KIT: variants seen among roughly 807,000 people sequenced by gnomAD.
KIT encodes the protein KIT proto-oncogene, receptor tyrosine kinase, also known as mast/stem cell growth factor receptor Kit.
A neutral mutation model predicts 105.7 loss-of-function variants in KIT; 16 were observed. The ratio of observed to expected loss-of-function variants is 0.15; its 90% CI spans 0.10 to 0.23. The LOEUF (loss-of-function observed/expected upper bound fraction) is 0.23, where lower values mean the gene tolerates loss of function less well. Ranked by LOEUF, KIT falls within the 10% of genes least tolerant of loss-of-function variation. KIT has a pLI of 1.00. For synonymous variants in KIT, 438 were observed against 441.1 expected, an observed-to-expected ratio of 0.99 and a Z score of 0.09; for missense variants, 858 against 1,213.8, an observed-to-expected ratio of 0.71 and a Z score of 4.36.
rs778169774 is a variant in KIT at position 54,726,092 on chromosome 4, C to A, written c.1540+42C>A. 8 of 1,483,714 alleles carry A rather than the reference C, an allele frequency of 5.4e-6. No individual in the cohort carries two copies. In the South Asian group the frequency reaches 7.9e-5, roughly 15 times the overall value. The allele number at this position is 1,483,714 out of a possible 1,614,324, so 91.9% of individuals were successfully genotyped here. A position where few individuals can be genotyped will look rare whatever the true frequency, so the allele number is the denominator to read the frequency against. ...TCCAATTTAAGGGGATGTTTAGGCT[C>A]TGTCTACCATATCAGTCATGATTTT... is the stretch of plus-strand genomic sequence containing the variant. On this transcript the variant is annotated intron_variant, in intron 9 of 20. Transcript: ENST00000288135.
At chr4:54,726,151 G>A in intron 9 of KIT, 101 bp downstream of exon 9, 1 of 923,638 alleles carries the variant, frequency 1.1e-6, no homozygotes, top group Non-Finnish European at 1.7e-6. Flanking sequence ...GTCATTTCTG[G>A]TAATACATGC....
At chr4:54,714,389 CAAAT>C (rs1337037189) in intron 7 of KIT, among the ~76,000 whole-genome samples, 2 of 151,682 alleles carry the variant, frequency 1.3e-5, no homozygotes, top group African/African-American at 2.4e-5. Context: ...AGATCCAGGA[CAAAT>C]AAAAGGCCAA....
chr4:54,673,702 A>G (rs1180882757), intron 1 of KIT, among the ~76,000 whole-genome samples: 1 of 152,228 alleles, frequency 6.6e-6, no homozygotes, highest in African/African-American at 2.4e-5. Context: ...AAAAATAACT[A>G]TGTGGAATTC....
At chr4:54,711,730 T>C (rs1721174270) in intron 7 of KIT, among the ~76,000 whole-genome samples, 1 of 151,746 alleles carries the variant, frequency 6.6e-6, no homozygotes, top group African/African-American at 2.4e-5. Flanking sequence ...GAGACCAGCC[T>C]GGCCAACATG....
rs868004912 is a variant in KIT at position 54,739,545 on chromosome 4, C to G, written c.*988C>G. On this transcript the variant is annotated 3_prime_UTR_variant, in exon 21 of 21. Coordinates refer to ENST00000288135, the MANE Select transcript of KIT (RefSeq NM_000222.3). ...AAGTTACTGATTCACTGCATGGCTC[C>G]CACAGGAGTGGGAAAACACTGCCAT... 2 of 233,420 alleles carry G rather than the reference C, an allele frequency of 8.6e-6. No individual in the cohort carries two copies. The highest frequency in any genetic ancestry group is 1.7e-5 in the Non-Finnish European group (2 of 117,950). 14.5% of individuals were successfully genotyped at this position (233,420 alleles called of 1,614,324 possible).
chr4:54,731,233 A>G (rs1722571343), intron 14 of KIT, 95 bp from the exon 15 acceptor site: 2 of 843,500 alleles, frequency 2.4e-6, no homozygotes, highest in East Asian at 2.4e-5. Flanking sequence ...CCAGTCTATT[A>G]TGTAGCAAAG....
At chr4:54,661,641 A>G (rs1332686732) in intron 1 of KIT, among the ~76,000 whole-genome samples, 1 of 152,238 alleles carries the variant, frequency 6.6e-6, no homozygotes, top group Non-Finnish European at 1.5e-5. Flanking sequence ...GTAACTTTTA[A>G]AAGTTGAGAT....
intron 1 of KIT, among the ~76,000 whole-genome samples, chr4:54,663,790 C>T (rs1717476558): frequency 6.6e-6 from 1 of 152,152 alleles, no homozygotes; most frequent in Non-Finnish European, 1.5e-5. Flanking sequence ...CTGAACTTGT[C>T]CATTGCCCCA....
chr4:54,736,360 G>A, intron 17 of KIT, 138 bp from the exon 18 acceptor site: 1 of 725,548 alleles, frequency 1.4e-6, no homozygotes, highest in East Asian at 2.6e-5. Context: ...AGTTCATATA[G>A]GTAAAAGGTT....
At chr4:54,699,570 A>C (rs537491622) in intron 3 of KIT, 60 bp from the exon 4 acceptor site, 1 of 1,591,086 alleles carries the variant, frequency 6.3e-7, no homozygotes, top group Admixed American at 1.7e-5. Flanking sequence ...AGAAATGGTA[A>C]ATCAAAATTT....
intron 1 of KIT, among the ~76,000 whole-genome samples, chr4:54,694,440 C>A (rs1007130486): frequency 6.6e-6 from 1 of 152,174 alleles, no homozygotes; most frequent in African/African-American, 2.4e-5. Context: ...CAGCCTCAAC[C>A]TCCTGGGCTT....
chr4:54,682,248 C>T (rs1315366163), intron 1 of KIT, among the ~76,000 whole-genome samples: 2 of 151,430 alleles, frequency 1.3e-5, no homozygotes, highest in Non-Finnish European at 2.9e-5. Context: ...TGCCACCATG[C>T]CTGACTAATT....
intron 19 of KIT, 100 bp downstream of exon 19, chr4:54,736,920 G>A: frequency 2.3e-6 from 2 of 867,762 alleles, no homozygotes; most frequent in Non-Finnish European, 3.8e-6. Context: ...AACACAGTTT[G>A]AAATGTCACT....
At chr4:54,659,785 C>T (rs1717111642) in intron 1 of KIT, among the ~76,000 whole-genome samples, 1 of 152,176 alleles carries the variant, frequency 6.6e-6, no homozygotes, top group Admixed American at 6.5e-5. Context: ...ACTAGAAAGA[C>T]CACATCGAAT....
chr4:54,707,305 C>T lies in KIT; in HGVS notation c.1115+18C>T, dbSNP rs775114128. ...AATATCAGGTAAGAAATGGACCTTGCCCTGGGGGATTACACATTACCCCCT... is the reference window on the plus strand; with the variant it reads ...AATATCAGGTAAGAAATGGACCTTGTCCTGGGGGATTACACATTACCCCCT... On this transcript the variant is annotated intron_variant, in intron 6 of 20. Transcript: ENST00000288135. The T allele has an allele frequency of 1.9e-6, 3 of 1,561,004 alleles. No individual in the cohort carries two copies. In the Admixed American group the frequency reaches 5.0e-5, roughly 26 times the overall value.
intron 1 of KIT, among the ~76,000 whole-genome samples, chr4:54,658,551 G>A (rs1344535863): frequency 6.6e-6 from 1 of 152,158 alleles, no homozygotes; most frequent in Non-Finnish European, 1.5e-5. Flanking sequence ...GCCGCGCTGA[G>A]GGCAAAGTTA....
At position 54,695,643 on chromosome 4, in the gene KIT, A is replaced by G. The variant is rs139441923; in HGVS notation, c.199A>G (p.Thr67Ala). ...CACTGATCCGGGCTTTGTCAAATGG[A>G]CTTTTGAGATCCTGGATGAAACGAA... ...LCTDPGFVKW[T>A]FEILDETNEN... is the part of the protein sequence containing the mutation. The change falls in exon 2 of 21, where the codon ACT becomes GCT. Residue 67 changes from threonine (T) to alanine (A), a missense_variant. By Grantham distance (58) the Thr-to-Ala change is moderately conservative. This residue lies in a region of KIT where 401 missense variants were observed against 601.0 expected (regional missense o/e 0.67). Coordinates refer to ENST00000288135, the MANE Select transcript of KIT (RefSeq NM_000222.3). 6.2e-7 allele frequency: 1 copy of G among 1,614,102 alleles called. No homozygotes were observed. The highest frequency in any genetic ancestry group is 1.3e-5 in the African/African-American group (1 of 74,936).
chr4:54,680,687 C>T (rs534465964), intron 1 of KIT, among the ~76,000 whole-genome samples: 3 of 152,084 alleles, frequency 2.0e-5, no homozygotes, highest in Non-Finnish European at 2.9e-5. Context: ...GCCACCGTGC[C>T]GGCCTTATTT....
At chr4:54,724,206 G>A (rs1355073560) in intron 8 of KIT, among the ~76,000 whole-genome samples, 1 of 152,174 alleles carries the variant, frequency 6.6e-6, no homozygotes, top group Non-Finnish European at 1.5e-5. Context: ...ATCTGGCACT[G>A]TGCTGCTTGC....
Sources: gnomAD v4.1 joint callset for allele counts (sites outside exome capture counted in the v4.1 genomes callset) on GRCh38, gnomAD v4.1.1 for gene constraint, gnomAD v4.1.1 regional missense constraint, MANE v1.5 for transcripts, NCBI Gene and HGNC (gene_info 2026-07-23, HGNC 2026-07-21) for gene names.